Variants in MRAP2 observed in about 807,000 individuals in gnomAD.
MRAP2 encodes melanocortin 2 receptor accessory protein 2.
Under a neutral mutation model 17.4 loss-of-function variants are expected in MRAP2, and 20 were observed. The ratio of observed to expected loss-of-function variants is 1.15; its 90% CI spans 0.81 to 1.67. The LOEUF (loss-of-function observed/expected upper bound fraction) is 1.67, where lower values mean the gene tolerates loss of function less well. MRAP2 is among the 40% of genes most tolerant of loss of function. The pLI is 0.00. For synonymous variants in MRAP2, 96 were observed against 88.4 expected (o/e 1.09, Z -0.48); for missense variants, 238 against 240.0 (o/e 0.99, Z 0.05).
chr6:84,077,185 A>T (rs970774124), intron 3 of MRAP2, among the ~76,000 whole-genome samples: 1 of 152,238 alleles, frequency 6.6e-6, no homozygotes, highest in African/African-American at 2.4e-5. Context: ...ATCCTGTAAG[A>T]GCAGGTTAGT....
At chr6:84,107,628 A>C in the MRAP2 span, among the ~76,000 whole-genome samples, 3 of 152,232 alleles carry the variant, frequency 2.0e-5, no homozygotes, top group Non-Finnish European at 4.4e-5. Context: ...AGGACAGTGA[A>C]GGTGTACTGC....
At position 84,089,273 on chromosome 6, in the gene MRAP2, C is replaced by T. The variant is rs141723882; in HGVS notation, c.410C>T (p.Ala137Val). 6.2e-7 allele frequency: 1 copy of T among 1,614,182 alleles called. No individual in the cohort carries two copies. Among genetic ancestry groups the T allele is most frequent in the Non-Finnish European group, 8.5e-7 (1 of 1,180,044 alleles). ...GCCAAAGCTTGTCACCAGACCACAG[C>T]CCTTGACAGTGACGTCCAACTCCAG... ...DRAKACHQTT[A>V]LDSDVQLQEA... is the part of the protein sequence containing the mutation. The change falls in exon 4 of 4, where the codon GCC (alanine) becomes GTC (valine). Residue 137 changes from alanine to valine, a missense_variant. Ala to Val is a moderately conservative substitution (Grantham distance 64). Coordinates refer to ENST00000257776, the MANE Select transcript of MRAP2 (RefSeq NM_138409.4).
the MRAP2 span, among the ~76,000 whole-genome samples, chr6:84,141,109 C>T: frequency 7.2e-6 from 1 of 139,736 alleles, no homozygotes; most frequent in Non-Finnish European, 1.5e-5. Flanking sequence ...TGCTCACTCG[C>T]CCCCTGCTCA....
chr6:84,092,812 C>G (rs2099501991), downstream of MRAP2, among the ~76,000 whole-genome samples: 1 of 152,146 alleles, frequency 6.6e-6, no homozygotes, highest in Non-Finnish European at 1.5e-5. Context: ...GAAAAAAAAT[C>G]TGCATACAAG....
At chr6:84,061,521 G>A (rs2099493168) in intron 2 of MRAP2, among the ~76,000 whole-genome samples, 1 of 152,198 alleles carries the variant, frequency 6.6e-6, no homozygotes, top group Admixed American at 6.5e-5. Context: ...AATGTTATTG[G>A]GTTCAAAGGA....
chr6:84,033,775 C>G lies in MRAP2; in HGVS notation c.-116C>G. 1.6e-5 allele frequency: 16 copies of G among 986,258 alleles called. No homozygotes were observed. The highest frequency in any genetic ancestry group is 1.9e-5 in the Non-Finnish European group (16 of 830,236). 61.1% of individuals were successfully genotyped at this position (986,258 alleles called of 1,614,324 possible). On this transcript the variant is annotated 5_prime_UTR_variant, in exon 1 of 4. Coordinates refer to ENST00000257776, the MANE Select transcript of MRAP2 (RefSeq NM_138409.4). ...CCGCACCTCGGATCTAGGAGCTACT[C>G]GCCCGGCCCTGGGCGGTGGGAGGCG...
chr6:84,064,757 G>C (rs2099494191), intron 3 of MRAP2, among the ~76,000 whole-genome samples: 1 of 152,154 alleles, frequency 6.6e-6, no homozygotes, highest in African/African-American at 2.4e-5. Context: ...AAAGTGCTGG[G>C]ATTACAGGCG....
At chr6:84,083,564 T>C (rs2099499533) in intron 3 of MRAP2, among the ~76,000 whole-genome samples, 1 of 152,180 alleles carries the variant, frequency 6.6e-6, no homozygotes, top group African/African-American at 2.4e-5. Context: ...CCTTAAAACA[T>C]CTAGTACAAT....
intron 3 of MRAP2, among the ~76,000 whole-genome samples, chr6:84,087,136 G>A (rs1367457166): frequency 9.2e-5 from 14 of 151,942 alleles, no homozygotes; most frequent in Admixed American, 9.2e-4. Flanking sequence ...AGGAGGTCCT[G>A]AAGACATGTG....
intron 1 of MRAP2, among the ~76,000 whole-genome samples, chr6:84,038,885 A>G (rs2099486815): frequency 6.6e-6 from 1 of 152,228 alleles, no homozygotes; most frequent in South Asian, 2.1e-4. Context: ...GAATCCCTTG[A>G]GTGTATTTTG....
At chr6:84,086,883 A>G (rs1370097053) in intron 3 of MRAP2, among the ~76,000 whole-genome samples, 4 of 152,238 alleles carry the variant, frequency 2.6e-5, no homozygotes, top group African/African-American at 9.6e-5. Flanking sequence ...GTGTTATGGA[A>G]GAGCAGCCAC....
At chr6:84,060,786 C>T (rs945250237) in intron 2 of MRAP2, among the ~76,000 whole-genome samples, 1 of 151,284 alleles carries the variant, frequency 6.6e-6, no homozygotes, top group Non-Finnish European at 1.5e-5. Context: ...GCCGGGTTCA[C>T]GCCATTCTCC....
intron 3 of MRAP2, among the ~76,000 whole-genome samples, chr6:84,076,397 T>C (rs1165211235): frequency 6.6e-6 from 1 of 152,062 alleles, no homozygotes; most frequent in African/African-American, 2.4e-5. Context: ...CTGAGTTTTG[T>C]ATTTTTAGTA....
chr6:84,052,390 C>T (rs150338543), intron 1 of MRAP2, among the ~76,000 whole-genome samples: 8 of 152,246 alleles, frequency 5.3e-5, no homozygotes, highest in African/African-American at 1.9e-4. Flanking sequence ...GGGGCTGCTA[C>T]TTGGACATGC....
chr6:84,063,770 G>A (rs1562880938), intron 3 of MRAP2, among the ~76,000 whole-genome samples: 2 of 152,150 alleles, frequency 1.3e-5, no homozygotes, highest in Admixed American at 1.3e-4. Context: ...GTTTTTGGCC[G>A]GTATGGTGGC....
the MRAP2 span, among the ~76,000 whole-genome samples, chr6:84,134,390 G>T: frequency 5.3e-5 from 8 of 152,192 alleles, no homozygotes; most frequent in African/African-American, 1.9e-4. Context: ...CGCCACTGTG[G>T]TATGAAAAAA....
At chr6:84,100,741 A>C in the MRAP2 span, among the ~76,000 whole-genome samples, 1 of 152,166 alleles carries the variant, frequency 6.6e-6, no homozygotes, top group African/African-American at 2.4e-5. Context: ...TATTGCATAT[A>C]TTCACATTTG....
At position 84,053,277 on chromosome 6, in the gene MRAP2, G is replaced by A. The variant is rs73479101; in HGVS notation, c.-7-2035G>A. ...CCTCTGCTCTGCTATTATAGTAGCT[G>A]TAATGTTGATTTCTACTAAAAATGA... On this transcript the variant is annotated intron_variant, in intron 1 of 3. Coordinates refer to ENST00000257776, the MANE Select transcript of MRAP2 (RefSeq NM_138409.4). Among the ~76,000 whole-genome samples the A allele has an allele frequency of 2.9e-3, 442 of 152,236 alleles. 1 individual carries two copies. The highest frequency in any genetic ancestry group is 0.01 in the African/African-American group (423 of 41,518).
At chr6:84,143,959 C>CT in the MRAP2 span, among the ~76,000 whole-genome samples, 2 of 151,984 alleles carry the variant, frequency 1.3e-5, no homozygotes, top group African/African-American at 4.8e-5. Context: ...CACTATGCGA[C>CT]TTTCTGTATT....
Sources: gnomAD v4.1 joint callset for allele counts (sites outside exome capture counted in the v4.1 genomes callset) on GRCh38, gnomAD v4.1.1 for gene constraint, MANE v1.5 for transcripts, NCBI Gene and HGNC (gene_info 2026-07-23, HGNC 2026-07-21) for gene names.